Variants in CACNA2D3 observed in about 807,000 individuals in gnomAD.
CACNA2D3 encodes calcium voltage-gated channel auxiliary subunit alpha2delta 3.
CACNA2D3 carries 60 observed loss-of-function variants against 160.6 expected under a neutral mutation model. That is an observed-to-expected ratio of 0.37 (90% CI 0.30 to 0.46). The LOEUF is 0.46. CACNA2D3 is among the 20% of genes least tolerant of loss of function. The pLI is 1.00. For synonymous variants in CACNA2D3, 558 were observed against 492.9 expected (o/e 1.13, Z -1.75); for missense variants, 1,205 against 1,365.0 (o/e 0.88, Z 1.85).
chr3:54,621,644 G>T (rs1030501778), intron 9 of CACNA2D3, among the ~76,000 whole-genome samples: 3 of 152,214 alleles, frequency 2.0e-5, no homozygotes, highest in Non-Finnish European at 4.4e-5. Flanking sequence ...CGGCTGTTCA[G>T]CGTCTCCCTG....
intron 4 of CACNA2D3, among the ~76,000 whole-genome samples, chr3:54,400,587 C>T (rs574054456): frequency 6.6e-6 from 1 of 152,162 alleles, no homozygotes; most frequent in Non-Finnish European, 1.5e-5. Flanking sequence ...CACCACTGCC[C>T]CAAACTCCTA....
chr3:55,056,786 A>G (rs1218243974), intron 35 of CACNA2D3, among the ~76,000 whole-genome samples: 1 of 152,230 alleles, frequency 6.6e-6, no homozygotes, highest in Non-Finnish European at 1.5e-5. Flanking sequence ...GCATGGTGGT[A>G]ACAGAGGCTG....
chr3:54,187,920 G>A (rs556552237), intron 2 of CACNA2D3, among the ~76,000 whole-genome samples: 5 of 152,058 alleles, frequency 3.3e-5, no homozygotes, highest in Non-Finnish European at 5.9e-5. Context: ...GACCAGTACC[G>A]TGGTCCGTGG....
At chr3:54,382,987 A>G (rs1227218809) in intron 3 of CACNA2D3, among the ~76,000 whole-genome samples, 2 of 152,110 alleles carry the variant, frequency 1.3e-5, no homozygotes, top group Non-Finnish European at 2.9e-5. Flanking sequence ...AGCTGGGACT[A>G]CAGGTGGGTG....
intron 2 of CACNA2D3, among the ~76,000 whole-genome samples, chr3:54,280,298 G>A (rs1425820528): frequency 6.6e-6 from 1 of 152,044 alleles, no homozygotes; most frequent in African/African-American, 2.4e-5. Context: ...AGCGAGGATG[G>A]TCTCGATCTC....
intron 4 of CACNA2D3, among the ~76,000 whole-genome samples, chr3:54,464,232 C>T (rs1700567606): frequency 6.6e-6 from 1 of 152,204 alleles, no homozygotes; most frequent in Non-Finnish European, 1.5e-5. Flanking sequence ...GTCAGGGACC[C>T]ACTTGAGGAG....
chr3:54,147,352 T>C (rs187541665), intron 2 of CACNA2D3, among the ~76,000 whole-genome samples: 1 of 152,352 alleles, frequency 6.6e-6, no homozygotes, highest in East Asian at 1.9e-4. Context: ...TAAAAACCAG[T>C]ATTTGGCATA....
At chr3:54,453,434 A>C (rs574304911) in intron 4 of CACNA2D3, among the ~76,000 whole-genome samples, 1 of 152,180 alleles carries the variant, frequency 6.6e-6, no homozygotes, top group Admixed American at 6.5e-5. Context: ...TAGGACTTCA[A>C]CATATCTTTT....
intron 31 of CACNA2D3, among the ~76,000 whole-genome samples, chr3:54,999,817 A>G (rs574180851): frequency 6.6e-6 from 1 of 152,352 alleles, no homozygotes; most frequent in East Asian, 1.9e-4. Flanking sequence ...GTTGGAAAAG[A>G]AAGAACAGTA....
At chr3:55,057,748 A>G (rs1218000197) in intron 35 of CACNA2D3, among the ~76,000 whole-genome samples, 1 of 152,154 alleles carries the variant, frequency 6.6e-6, no homozygotes, top group South Asian at 2.1e-4. Context: ...ATACCCTGTT[A>G]TCTCCCACCT....
intron 9 of CACNA2D3, among the ~76,000 whole-genome samples, chr3:54,585,880 G>A (rs1702751270): frequency 6.6e-6 from 1 of 152,036 alleles, no homozygotes; most frequent in Admixed American, 6.5e-5. Context: ...GTGTTCTTAA[G>A]ACCATCAGTG....
At chr3:54,279,707 T>C (rs1051276787) in intron 2 of CACNA2D3, among the ~76,000 whole-genome samples, 8 of 152,320 alleles carry the variant, frequency 5.3e-5, no homozygotes, top group Middle Eastern at 3.4e-3. Context: ...TTAGTCCTAA[T>C]AATTGAAACC....
intron 3 of CACNA2D3, among the ~76,000 whole-genome samples, chr3:54,380,093 ACTTT>A (rs1559465607): frequency 1.3e-5 from 2 of 152,180 alleles, no homozygotes; most frequent in African/African-American, 4.8e-5. Context: ...TGAACAACTT[ACTTT>A]ATTTCTCCAA....
At chr3:54,767,289 G>C (rs1388858261) in intron 13 of CACNA2D3, among the ~76,000 whole-genome samples, 1 of 152,086 alleles carries the variant, frequency 6.6e-6, no homozygotes, top group Non-Finnish European at 1.5e-5. Flanking sequence ...GAATATAGTA[G>C]TACACACAAT....
At chr3:54,773,214 T>A (rs2107115953) in intron 13 of CACNA2D3, among the ~76,000 whole-genome samples, 1 of 152,348 alleles carries the variant, frequency 6.6e-6, no homozygotes, top group South Asian at 2.1e-4. Flanking sequence ...CAGTTTCCCA[T>A]CTAGGAATGG....
intron 11 of CACNA2D3, among the ~76,000 whole-genome samples, chr3:54,731,837 A>C (rs1701394073): frequency 6.6e-6 from 1 of 152,028 alleles, no homozygotes; most frequent in Admixed American, 6.6e-5. Flanking sequence ...AGGTATTTAG[A>C]CGAACACTTC....
At chr3:54,316,961 G>A (rs1276235611) in intron 2 of CACNA2D3, among the ~76,000 whole-genome samples, 1 of 152,166 alleles carries the variant, frequency 6.6e-6, no homozygotes, top group Non-Finnish European at 1.5e-5. Flanking sequence ...TGAGCCTCTA[G>A]ATTACCTTAA....
At chr3:54,891,776 C>A (rs1352462469) in intron 25 of CACNA2D3, among the ~76,000 whole-genome samples, 2 of 152,198 alleles carry the variant, frequency 1.3e-5, no homozygotes, top group Non-Finnish European at 2.9e-5. Flanking sequence ...AGGAAACACT[C>A]ATCTCGTAAC....
At chr3:54,505,248 A>G (rs975677692) in intron 5 of CACNA2D3, among the ~76,000 whole-genome samples, 1 of 152,200 alleles carries the variant, frequency 6.6e-6, no homozygotes, top group African/African-American at 2.4e-5. Flanking sequence ...CACAGTTCAT[A>G]TAGGGAACAG....
Sources: allele counts gnomAD v4.1 joint callset (sites outside exome capture counted in the v4.1 genomes callset), GRCh38; gene constraint gnomAD v4.1.1; transcripts MANE v1.5; gene names NCBI Gene and HGNC (gene_info 2026-07-23, HGNC 2026-07-21).